MED27: variants seen among roughly 807,000 people sequenced by gnomAD.
MED27 encodes mediator of RNA polymerase II transcription subunit 27.
Under a neutral mutation model 38.2 loss-of-function variants are expected in MED27, and 30 were observed. The observed-to-expected ratio is 0.79, with a 90% CI of 0.59 to 1.07. The LOEUF is 1.07. Among genes scored for constraint, MED27 ranks in the 50% least tolerant of loss-of-function variants. The probability of loss-of-function intolerance (pLI) is 0.00; values close to 1 mark genes in which losing one functional copy is unlikely to be tolerated. For missense variants in MED27, 289 were observed against 397.5 expected (o/e 0.73, Z 2.32); for synonymous variants, 122 against 153.5 (o/e 0.79, Z 1.52).
intron 5 of MED27, among the ~76,000 whole-genome samples, chr9:131,887,237 G>C (rs1233740629): frequency 1.3e-5 from 2 of 152,270 alleles, no homozygotes; most frequent in East Asian, 3.9e-4. Context: ...TTGGTTTAAT[G>C]AAAACATGGC....
chr9:131,945,122 TA>T (rs1230679001), intron 3 of MED27, among the ~76,000 whole-genome samples: 3 of 147,084 alleles, frequency 2.0e-5, no homozygotes, highest in Admixed American at 6.8e-5. Flanking sequence ...TATAAATATA[TA>T]AAAATATCTT....
At position 132,029,344 on chromosome 9, in the gene MED27, ATACTTTT is replaced by A. The variant is rs1484365861; in HGVS notation, c.349-14884_349-14878del. Among the ~76,000 whole-genome samples the A allele has an allele frequency of 2.0e-5, 3 of 152,244 alleles. No homozygotes were observed. The East Asian group carries it at 5.8e-4, about 29-fold the overall frequency. On this transcript the variant is annotated intron_variant, in intron 2 of 7. Coordinates refer to ENST00000292035, the MANE Select transcript of MED27 (RefSeq NM_004269.4). ...AATCCATCAGATTTGATTGATAAGT[ATACTTTT>A]TAAAACTAAGAGTAAAAAAGTAAAG... is the stretch of plus-strand genomic sequence containing the variant.
chr9:131,886,259 T>C (rs1031260952), intron 5 of MED27, among the ~76,000 whole-genome samples: 7 of 152,300 alleles, frequency 4.6e-5, no homozygotes, highest in Admixed American at 3.9e-4. Flanking sequence ...GTTTGAAAAC[T>C]TTTAGGACAG....
At chr9:132,017,526 G>A (rs1014810673) in intron 2 of MED27, among the ~76,000 whole-genome samples, 1 of 152,072 alleles carries the variant, frequency 6.6e-6, no homozygotes, top group Non-Finnish European at 1.5e-5. Flanking sequence ...TCCACTAACC[G>A]GGAGGAATAA....
At chr9:131,934,791 C>T (rs1830651910) in intron 4 of MED27, among the ~76,000 whole-genome samples, 1 of 152,042 alleles carries the variant, frequency 6.6e-6, no homozygotes, top group African/African-American at 2.4e-5. Context: ...TTCACAATAG[C>T]CAAAATTTGG....
intron 2 of MED27, among the ~76,000 whole-genome samples, chr9:132,022,204 A>C (rs1235639416): frequency 6.6e-6 from 1 of 152,110 alleles, no homozygotes; most frequent in Non-Finnish European, 1.5e-5. Context: ...CTACTGGGGG[A>C]AGAAGGCCAC....
rs1230651497 is a variant in MED27, at chr9:132,036,090, A to T, written c.349-21623T>A. On this transcript the variant is annotated intron_variant, in intron 2 of 7. Coordinates refer to ENST00000292035, the MANE Select transcript of MED27 (RefSeq NM_004269.4). ...AACAGACATTTTAGAAACATGAAAAAGCAAGAAAACAAAAATATTCCCTGG... is the reference window on the plus strand; with the variant it reads ...AACAGACATTTTAGAAACATGAAAATGCAAGAAAACAAAAATATTCCCTGG... Among the ~76,000 whole-genome samples the T allele has an allele frequency of 5.3e-5, 8 of 152,380 alleles. No homozygotes were observed. In the Middle Eastern group the frequency reaches 0.014, roughly 259 times the overall value.
In MED27 at chr9:132,009,436, G is replaced by C. The variant is rs1832434507; in HGVS notation, c.479+4901C>G. On this transcript the variant is annotated intron_variant, in intron 3 of 7. Transcript: ENST00000292035. Reference sequence around the variant, plus strand: ...TGACGCTGTGTGTCTTCTGAGATTAGGTCATAAAAAGGATGGCTGCTGCCT... The same window carrying C: ...TGACGCTGTGTGTCTTCTGAGATTACGTCATAAAAAGGATGGCTGCTGCCT... Among the ~76,000 whole-genome samples the C allele has an allele frequency of 2.6e-5, 4 of 152,324 alleles. No homozygotes were observed. The South Asian group carries it at 8.3e-4, about 32-fold the overall frequency.
At position 131,861,341 on chromosome 9, in the gene MED27, C is replaced by T. The variant is rs61623030; in HGVS notation, c.802-669G>A. Among the ~76,000 whole-genome samples, 263 of 152,296 alleles carry T rather than the reference C, an allele frequency of 1.7e-3. 1 individual carries two copies. Among genetic ancestry groups the T allele is most frequent in the African/African-American group, 6.2e-3 (256 of 41,554 alleles). On this transcript the variant is annotated intron_variant, in intron 7 of 7. Transcript: ENST00000292035. The surrounding 1 kb of genome is among the most constrained non-coding windows in gnomAD (Gnocchi z 4.4). ...CAATTCTCAAACACAAGGAGATTCA[C>T]TACCAAAGAAAAAAATACCCAAACG...
intron 3 of MED27, among the ~76,000 whole-genome samples, chr9:131,986,901 AAT>A (rs1256883099): frequency 1.3e-5 from 2 of 151,672 alleles, no homozygotes; most frequent in Non-Finnish European, 2.9e-5. Context: ...ATATTTGCTG[AAT>A]GAATGAACTG....
At chr9:132,063,447 G>A (rs1833742004) in intron 2 of MED27, among the ~76,000 whole-genome samples, 2 of 152,180 alleles carry the variant, frequency 1.3e-5, no homozygotes, top group African/African-American at 4.8e-5. Flanking sequence ...TATGAGCTGA[G>A]GTCCCCAAGT....
At chr9:131,867,532 G>A (rs114135243) in intron 6 of MED27, among the ~76,000 whole-genome samples, 1,591 of 152,304 alleles carry the variant, frequency 0.01, 30 homozygotes, top group African/African-American at 0.036. Context: ...CACCATGTTG[G>A]CCAGGTCTCC....
In MED27 at chr9:131,913,553, G is replaced by A. The variant is rs1333500464; in HGVS notation, c.574-19561C>T. Among the ~76,000 whole-genome samples the A allele has an allele frequency of 6.6e-6, 1 of 152,166 alleles. No individual in the cohort carries two copies. The highest frequency in any genetic ancestry group is 2.4e-5 in the African/African-American group (1 of 41,444). On this transcript the variant is annotated intron_variant, in intron 4 of 7. Coordinates refer to ENST00000292035, the MANE Select transcript of MED27 (RefSeq NM_004269.4). This position sits in a 1 kb window ranked among gnomAD's most constrained non-coding sequence, Gnocchi z 4.5. ...ACAGTGGCAGGGGCATACTCTTCTAGGATCAAAAGGCAAATCTCACTGTTC... is the reference window on the plus strand; with the variant it reads ...ACAGTGGCAGGGGCATACTCTTCTAAGATCAAAAGGCAAATCTCACTGTTC...
At chr9:131,905,748 GAAAAGA>G (rs1830050348) in intron 4 of MED27, among the ~76,000 whole-genome samples, 166 of 56,234 alleles carry the variant, frequency 3.0e-3, no homozygotes, top group African/African-American at 9.8e-3. Flanking sequence ...AAAAGAAAAA[GAAAAGA>G]AAAAACCAAC....
intron 2 of MED27, among the ~76,000 whole-genome samples, chr9:132,043,445 AG>A (rs1478987542): frequency 6.6e-6 from 1 of 152,178 alleles, no homozygotes; most frequent in Non-Finnish European, 1.5e-5. Flanking sequence ...ACACACGCAC[AG>A]GAACTGCTGC....
intron 4 of MED27, among the ~76,000 whole-genome samples, chr9:131,896,247 C>T (rs1410473026): frequency 6.6e-6 from 1 of 152,184 alleles, no homozygotes; most frequent in Non-Finnish European, 1.5e-5. Flanking sequence ...TACCTTCTCA[C>T]TAGGCTAAAG....
chr9:131,890,536 C>T (rs529661458), intron 5 of MED27, among the ~76,000 whole-genome samples: 27 of 152,328 alleles, frequency 1.8e-4, no homozygotes, highest in African/African-American at 5.5e-4. Context: ...CAATTACTGC[C>T]GCTCCTTTTA....
chr9:131,868,207 G>C (rs1234837737), intron 6 of MED27, among the ~76,000 whole-genome samples: 1 of 152,168 alleles, frequency 6.6e-6, no homozygotes, highest in Non-Finnish European at 1.5e-5. Flanking sequence ...ATTAATAAGA[G>C]CTTATTATGT....
intron 3 of MED27, among the ~76,000 whole-genome samples, chr9:131,983,326 T>C (rs1014758801): frequency 1.3e-5 from 2 of 152,230 alleles, no homozygotes; most frequent in African/African-American, 2.4e-5. Flanking sequence ...CACCACACTT[T>C]AGAAGGAAAA....
Sources: allele counts gnomAD v4.1 joint callset (sites outside exome capture counted in the v4.1 genomes callset), GRCh38; gene constraint gnomAD v4.1.1; non-coding constraint Gnocchi (gnomAD v3.1); transcripts MANE v1.5; gene names NCBI Gene and HGNC (gene_info 2026-07-23, HGNC 2026-07-21).